Variants in UNC13A observed in about 807,000 individuals in gnomAD.
UNC13A encodes the protein unc-13 homolog A, also known as protein unc-13 homolog A.
Under a neutral mutation model 219.7 loss-of-function variants are expected in UNC13A, and 61 were observed. The ratio of observed to expected loss-of-function variants is 0.28; its 90% CI spans 0.23 to 0.34. UNC13A has a LOEUF of 0.34. UNC13A is among the 10% of genes least tolerant of loss of function. The pLI is 1.00. For missense variants in UNC13A, 1,476 were observed against 2,270.3 expected (o/e 0.65, Z 7.11); for synonymous variants, 920 against 884.6 (o/e 1.04, Z -0.71).
intron 23 of UNC13A, 76 bp downstream of exon 23, chr19:17,639,764 C>CA: frequency 1.3e-6 from 2 of 1,547,934 alleles, no homozygotes; most frequent in East Asian, 4.5e-5. Flanking sequence ...CCCATGCACA[C>CA]ACCTGCTGGT....
At chr19:17,647,594 G>T in intron 16 of UNC13A, 102 bp from the exon 17 acceptor site, 2 of 1,170,380 alleles carry the variant, frequency 1.7e-6, no homozygotes, top group Non-Finnish European at 2.4e-6. Flanking sequence ...GGGGACTCAG[G>T]TGTCACCCCC....
At chr19:17,634,961 C>G (rs2076897878) in intron 26 of UNC13A, among the ~76,000 whole-genome samples, 1 of 152,144 alleles carries the variant, frequency 6.6e-6, no homozygotes, top group African/African-American at 2.4e-5. Flanking sequence ...AGCTCCACCT[C>G]CTGGGTTCAC....
At chr19:17,630,367 C>A in intron 29 of UNC13A, 79 bp from the exon 30 acceptor site, 1 of 1,522,518 alleles carries the variant, frequency 6.6e-7, no homozygotes, top group South Asian at 1.2e-5. Flanking sequence ...CCACTCTCCA[C>A]GGGGAGAGCC....
rs1205831724 is a variant in UNC13A at position 17,672,363 on chromosome 19, C to T, written c.270+15G>A. 2 of 1,610,976 alleles carry T rather than the reference C, an allele frequency of 1.2e-6. No individual in the cohort carries two copies. Among genetic ancestry groups the T allele is most frequent in the Non-Finnish European group, 1.7e-6 (2 of 1,177,914 alleles). ...GCACTCCTCCTTCTTCACCCTCAGGCCACCCGCCACTCACCTCATTGGACT... is the reference window on the plus strand; with the variant it reads ...GCACTCCTCCTTCTTCACCCTCAGGTCACCCGCCACTCACCTCATTGGACT... On this transcript the variant is annotated intron_variant, in intron 4 of 43. Coordinates refer to ENST00000519716, the MANE Select transcript of UNC13A (RefSeq NM_001080421.3).
At chr19:17,682,551 AG>A (rs2080038003) in intron 1 of UNC13A, among the ~76,000 whole-genome samples, 1 of 152,292 alleles carries the variant, frequency 6.6e-6, no homozygotes, top group Non-Finnish European at 1.5e-5. Context: ...GGTTAGGGAA[AG>A]GGTTAGGCTG....
chr19:17,613,317 G>T (rs1252128000), intron 41 of UNC13A, among the ~76,000 whole-genome samples: 1 of 152,058 alleles, frequency 6.6e-6, no homozygotes, highest in Non-Finnish European at 1.5e-5. Context: ...GCTGAGGCAG[G>T]AGGATCGCTT....
chr19:17,630,249 C>T lies in UNC13A; in HGVS notation c.3565G>A (p.Val1189Met). ...TSEHALFSCSVVDVFSQLNQS... is the reference protein window; with the variant it reads ...TSEHALFSCSMVDVFSQLNQS... ...TTGAGTTGGGAGAAAACATCCACCACGGAGCAGGAGAATAGGGCATGCTCT... is the reference window on the plus strand; with the variant it reads ...TTGAGTTGGGAGAAAACATCCACCATGGAGCAGGAGAATAGGGCATGCTCT... Residue 1189 changes from valine to methionine, a missense_variant, in exon 30 of 44, where the codon GTG becomes ATG. By Grantham distance (21) the Val-to-Met change is conservative. Coordinates refer to ENST00000519716, the MANE Select transcript of UNC13A (RefSeq NM_001080421.3). The T allele has an allele frequency of 1.3e-6, 2 of 1,559,776 alleles. No individual in the cohort carries two copies. Among genetic ancestry groups the T allele is most frequent in the South Asian group, 1.2e-5 (1 of 84,424 alleles).
At position 17,606,090 on chromosome 19, in the gene UNC13A, G is replaced by C; in HGVS notation, c.5076C>G (p.Arg1692=). Reference sequence around the variant, plus strand: ...GCGCGGCACCGCCCTCCTCGGCGGAGCGCGTGTCCGACTTGAGCTTCACGA... The same window carrying C: ...GCGCGGCACCGCCCTCCTCGGCGGACCGCGTGTCCGACTTGAGCTTCACGA... The part of the protein sequence containing the change: ...KEFVKLKSDT[R]SAEEGGAAPA... The change falls in exon 44 of 44, where the codon CGC becomes CGG. Residue 1692 remains arginine (R), a synonymous_variant. Transcript: ENST00000519716. The C allele has an allele frequency of 2.5e-6, 4 of 1,590,962 alleles. No homozygotes were observed. In the Admixed American group the frequency reaches 5.2e-5, roughly 21 times the overall value.
At chr19:17,632,297 G>A (rs1057017779) in intron 28 of UNC13A, among the ~76,000 whole-genome samples, 4 of 152,100 alleles carry the variant, frequency 2.6e-5, no homozygotes, top group Middle Eastern at 3.4e-3. Flanking sequence ...TGCCCACTTC[G>A]GCCTCCCAAA....
Position 17,611,712 on chromosome 19 carries a change from T to C in UNC13A, c.4651+51A>G, listed in dbSNP as rs1045068135. 3.7e-5 allele frequency: 56 copies of C among 1,527,198 alleles called. 1 individual carries two copies. Among genetic ancestry groups the C allele is most frequent in the Admixed American group, 1.0e-4 (6 of 58,966 alleles). The allele number at this position is 1,527,198 out of a possible 1,614,324, so 94.6% of individuals were successfully genotyped here. On this transcript the variant is annotated intron_variant, in intron 42 of 43. Coordinates refer to ENST00000519716, the MANE Select transcript of UNC13A (RefSeq NM_001080421.3). Reference sequence around the variant, plus strand: ...GGGTGTTGCTTAAGCCAGTTTGAGTTTGGTTTCTGTTTTAGAACCTAGCAA... The same window carrying C: ...GGGTGTTGCTTAAGCCAGTTTGAGTCTGGTTTCTGTTTTAGAACCTAGCAA...
At chr19:17,609,796 C>A in intron 43 of UNC13A, 144 bp downstream of exon 43, 1 of 1,198,874 alleles carries the variant, frequency 8.3e-7, no homozygotes. Flanking sequence ...AAGGGGTCTC[C>A]CTTTCCAGCA....
intron 19 of UNC13A, among the ~76,000 whole-genome samples, chr19:17,643,970 A>G (rs2076996894): frequency 6.6e-6 from 1 of 151,982 alleles, no homozygotes; most frequent in Non-Finnish European, 1.5e-5. Flanking sequence ...GGATATCTAG[A>G]TGTCCTCCAA....
At chr19:17,631,808 G>A (rs768474289) in intron 28 of UNC13A, among the ~76,000 whole-genome samples, 30 of 152,152 alleles carry the variant, frequency 2.0e-4, no homozygotes, top group African/African-American at 4.1e-4. Context: ...GCAGTGACAC[G>A]ATTTCCGCTT....
chr19:17,629,318 G>A lies in UNC13A; in HGVS notation c.3675C>T (p.Ile1225=). 1.2e-6 allele frequency: 2 copies of A among 1,610,444 alleles called. No individual in the cohort carries two copies. The highest frequency in any genetic ancestry group is 1.7e-6 in the Non-Finnish European group (2 of 1,178,462). The change falls in exon 31 of 44, where the codon ATC becomes ATT. Residue 1225 remains isoleucine (I), a synonymous_variant. Transcript: ENST00000519716. ...GHYMRRFAKT[I]SNVLLQYADI... ...CTGCATACTGGAGGAGCACATTACT[G>A]ATGGTCTGGGGAAGACACAGAGTGT...
At chr19:17,647,206 T>C in intron 17 of UNC13A, 59 bp downstream of exon 17, 1 of 1,470,688 alleles carries the variant, frequency 6.8e-7, no homozygotes, top group Non-Finnish European at 9.2e-7. Flanking sequence ...GGACAGGGCA[T>C]GAGACAGGTC....
intron 1 of UNC13A, among the ~76,000 whole-genome samples, chr19:17,687,394 C>T (rs1386121430): frequency 6.6e-6 from 1 of 152,178 alleles, no homozygotes; most frequent in Non-Finnish European, 1.5e-5. Flanking sequence ...AGACATTGCT[C>T]TTCCAAGAAG....
chr19:17,664,394 G>A (rs2079605920), intron 7 of UNC13A, among the ~76,000 whole-genome samples: 1 of 152,220 alleles, frequency 6.6e-6, no homozygotes, highest in Non-Finnish European at 1.5e-5. Context: ...GCCAGGGCGA[G>A]AACCACCTTT....
At chr19:17,639,592 C>T in intron 23 of UNC13A, 67 bp from the exon 24 acceptor site, 1 of 1,523,654 alleles carries the variant, frequency 6.6e-7, no homozygotes, top group East Asian at 2.3e-5. Context: ...GACTGCTTTT[C>T]AGGGGGATAC....
intron 8 of UNC13A, among the ~76,000 whole-genome samples, chr19:17,663,273 T>A (rs2079583898): frequency 6.6e-6 from 1 of 151,846 alleles, no homozygotes. Context: ...GGTCTAAATG[T>A]CCACTCCTCC....
Sources: gnomAD v4.1 joint callset for allele counts (sites outside exome capture counted in the v4.1 genomes callset) on GRCh38, gnomAD v4.1.1 for gene constraint, MANE v1.5 for transcripts, NCBI Gene and HGNC (gene_info 2026-07-23, HGNC 2026-07-21) for gene names.